Variants in CDYL2 observed in about 807,000 individuals in gnomAD.
The protein encoded by CDYL2 is chromodomain Y-like protein 2.
Under a neutral mutation model 49.4 loss-of-function variants are expected in CDYL2, and 23 were observed. The observed-to-expected ratio is 0.47, with a 90% CI of 0.34 to 0.66. The LOEUF is 0.66. CDYL2 is among the 30% of genes least tolerant of loss of function. The pLI, the probability that CDYL2 is intolerant of heterozygous loss-of-function variation, is 0.01. For synonymous variants in CDYL2, 360 were observed against 268.8 expected, an observed-to-expected ratio of 1.34 and a Z score of -3.32; for missense variants, 678 against 656.4, an observed-to-expected ratio of 1.03 and a Z score of -0.36.
At position 80,602,335 on chromosome 16, in the gene CDYL2, T is replaced by C. The variant is rs1360860279; in HGVS notation, c.*2053A>G. 6.6e-6 allele frequency: 1 copy of C among 152,130 alleles called. No homozygotes were observed. Among genetic ancestry groups the C allele is most frequent in the African/African-American group, 2.4e-5 (1 of 41,420 alleles). The allele number at this position is 152,130 out of a possible 1,614,324, so 9.4% of individuals were successfully genotyped here. On this transcript the variant is annotated 3_prime_UTR_variant, in exon 7 of 7. Transcript: ENST00000570137. ...GAGGGTGCACAGGACTTTAATTCCATCCTCCTCTGGCTGAAGGAGAGGTTT... is the reference window on the plus strand; with the variant it reads ...GAGGGTGCACAGGACTTTAATTCCACCCTCCTCTGGCTGAAGGAGAGGTTT...
intron 4 of CDYL2, among the ~76,000 whole-genome samples, chr16:80,615,185 G>A (rs1354790070): frequency 6.6e-6 from 1 of 152,196 alleles, no homozygotes; most frequent in African/African-American, 2.4e-5. Context: ...GACTTCTGAA[G>A]CTTGGTATTC....
rs1906207319 is a variant in CDYL2 at position 80,603,869 on chromosome 16, G to C, written c.*519C>G. ...TGGGTTTTAAGACCAAGCCCTAATA[G>C]TCACACAGATTTGCGTCGGAAAGGA... On this transcript the variant is annotated 3_prime_UTR_variant, in exon 7 of 7. Coordinates refer to ENST00000570137, the MANE Select transcript of CDYL2 (RefSeq NM_152342.4). 3 of 154,626 alleles carry C rather than the reference G, an allele frequency of 1.9e-5. No individual in the cohort carries two copies. The highest frequency in any genetic ancestry group is 7.2e-5 in the African/African-American group (3 of 41,474). 9.6% of individuals were successfully genotyped at this position (154,626 alleles called of 1,614,324 possible). A position where few individuals can be genotyped will look rare whatever the true frequency, so the allele number is the denominator to read the frequency against.
intron 1 of CDYL2, among the ~76,000 whole-genome samples, chr16:80,734,771 T>G (rs1379876671): frequency 6.6e-6 from 1 of 152,164 alleles, no homozygotes; most frequent in East Asian, 1.9e-4. Flanking sequence ...CACTGCCACA[T>G]ACTATTACAC....
chr16:80,668,270 T>C (rs1909354001), intron 2 of CDYL2, among the ~76,000 whole-genome samples: 3 of 152,334 alleles, frequency 2.0e-5, no homozygotes, highest in Middle Eastern at 6.8e-3. Flanking sequence ...TCTCACCACC[T>C]TCAATCTTTA....
chr16:80,785,787 A>G (rs1351247980), intron 1 of CDYL2, among the ~76,000 whole-genome samples: 1 of 152,162 alleles, frequency 6.6e-6, no homozygotes, highest in Admixed American at 6.5e-5. Context: ...GGAACAGAAA[A>G]TAGGCCTCAG....
At chr16:80,736,683 G>A (rs1367201018) in intron 1 of CDYL2, among the ~76,000 whole-genome samples, 2 of 152,162 alleles carry the variant, frequency 1.3e-5, no homozygotes, top group Non-Finnish European at 2.9e-5. Flanking sequence ...GGCCAAAGTG[G>A]GAGGATCACT....
intron 1 of CDYL2, among the ~76,000 whole-genome samples, 175 bp downstream of exon 1, chr16:80,803,975 G>A (rs1039368626): frequency 2.0e-3 from 282 of 138,170 alleles, no homozygotes; most frequent in African/African-American, 6.6e-3. Flanking sequence ...GCGGCGGGCG[G>A]CGGGCGGGAG....
chr16:80,724,110 A>C (rs970897547), intron 1 of CDYL2, among the ~76,000 whole-genome samples: 1 of 151,096 alleles, frequency 6.6e-6, no homozygotes, highest in African/African-American at 2.4e-5. Context: ...AAGAAGAGGA[A>C]GAGAAAGGAG....
At chr16:80,639,043 T>C (rs1338771368) in intron 2 of CDYL2, among the ~76,000 whole-genome samples, 1 of 152,188 alleles carries the variant, frequency 6.6e-6, no homozygotes, top group Non-Finnish European at 1.5e-5. Flanking sequence ...GGGCAAAAGA[T>C]CTGAAGAGAC....
At chr16:80,642,049 G>C (rs1010719740) in intron 2 of CDYL2, among the ~76,000 whole-genome samples, 1 of 152,028 alleles carries the variant, frequency 6.6e-6, no homozygotes, top group Non-Finnish European at 1.5e-5. Context: ...ACAATGAGCA[G>C]GTCAAAAATA....
At chr16:80,637,360 TTC>T (rs989017043) in intron 2 of CDYL2, among the ~76,000 whole-genome samples, 6 of 152,142 alleles carry the variant, frequency 3.9e-5, no homozygotes, top group African/African-American at 1.4e-4. Flanking sequence ...GAAAAAGATG[TTC>T]TCTCTCTTTT....
At chr16:80,706,866 A>G (rs1904422942) in intron 1 of CDYL2, among the ~76,000 whole-genome samples, 1 of 152,214 alleles carries the variant, frequency 6.6e-6, no homozygotes, top group Non-Finnish European at 1.5e-5. Flanking sequence ...AGAGGTAGAT[A>G]TCAGAAGACC....
At chr16:80,685,782 G>C (rs1046434063) in intron 1 of CDYL2, among the ~76,000 whole-genome samples, 17 of 152,176 alleles carry the variant, frequency 1.1e-4, no homozygotes, top group African/African-American at 4.1e-4. Flanking sequence ...CCAAGTTCCA[G>C]AATGGTAAGG....
intron 1 of CDYL2, among the ~76,000 whole-genome samples, chr16:80,695,852 C>A (rs538987580): frequency 1.3e-5 from 2 of 152,144 alleles, no homozygotes; most frequent in African/African-American, 4.8e-5. Flanking sequence ...ATCAAGCAGG[C>A]AGAAAATCAA....
intron 1 of CDYL2, among the ~76,000 whole-genome samples, chr16:80,759,116 A>ATGG (rs1160195676): frequency 8.3e-6 from 1 of 119,950 alleles, no homozygotes; most frequent in African/African-American, 3.6e-5. Context: ...ATATATATAT[A>ATGG]TATATATATA....
At chr16:80,630,652 T>A (rs9927905) in intron 3 of CDYL2, among the ~76,000 whole-genome samples, 4 of 151,886 alleles carry the variant, frequency 2.6e-5, no homozygotes, top group African/African-American at 9.7e-5. Context: ...AGGCGGAGGA[T>A]GGAGAGGCCC....
intron 2 of CDYL2, among the ~76,000 whole-genome samples, chr16:80,655,177 C>A (rs183772050): frequency 6.6e-6 from 1 of 152,328 alleles, no homozygotes; most frequent in African/African-American, 2.4e-5. Context: ...CAGTCTTATA[C>A]ATTTGCCATT....
Position 80,601,167 on chromosome 16 carries a change from G to A in CDYL2, c.*3221C>T, listed in dbSNP as rs1479293643. On this transcript the variant is annotated 3_prime_UTR_variant, in exon 7 of 7. Transcript: ENST00000570137. ...CTTCCAAATGGTGGTGAGAAGGTAT[G>A]ACCACCCTAACAAAAGTTCTGCACA... 2 of 152,162 alleles carry A rather than the reference G, an allele frequency of 1.3e-5. No individual in the cohort carries two copies. Among genetic ancestry groups the A allele is most frequent in the Non-Finnish European group, 2.9e-5 (2 of 68,026 alleles). The allele number at this position is 152,162 out of a possible 1,614,324, so 9.4% of individuals were successfully genotyped here. A position where few individuals can be genotyped will look rare whatever the true frequency, so the allele number is the denominator to read the frequency against.
intron 1 of CDYL2, among the ~76,000 whole-genome samples, chr16:80,729,604 A>G (rs1035600725): frequency 3.3e-5 from 5 of 152,174 alleles, no homozygotes; most frequent in Admixed American, 6.5e-5. Context: ...AGCAGACCTA[A>G]TACACATCTA....
Sources: allele counts gnomAD v4.1 joint callset (sites outside exome capture counted in the v4.1 genomes callset), GRCh38; gene constraint gnomAD v4.1.1; transcripts MANE v1.5; gene names NCBI Gene and HGNC (gene_info 2026-07-23, HGNC 2026-07-21).